Variants in LYPD6B observed in about 807,000 individuals in gnomAD.
The protein encoded by LYPD6B is LY6/PLAUR domain containing 6B.
In LYPD6B, 17 loss-of-function variants were observed where a neutral mutation model predicts 22.8. The ratio of observed to expected loss-of-function variants is 0.75; its 90% CI spans 0.51 to 1.12. The LOEUF (loss-of-function observed/expected upper bound fraction) is 1.12. Among genes scored for constraint, LYPD6B ranks in the 50% most tolerant of loss-of-function variants. The pLI, the probability that LYPD6B is intolerant of heterozygous loss-of-function variation, is 0.00. For synonymous variants in LYPD6B, 106 were observed against 91.6 expected (o/e 1.16, Z -0.90); for missense variants, 221 against 258.3 (o/e 0.86, Z 0.99).
intron 1 of LYPD6B, among the ~76,000 whole-genome samples, chr2:149,051,431 C>T (rs1454712675): frequency 6.6e-6 from 1 of 152,114 alleles, no homozygotes; most frequent in East Asian, 1.9e-4. Flanking sequence ...TCCCAAAGTG[C>T]TGGGATTACA....
At chr2:149,079,060 C>T (rs1411587424) in intron 1 of LYPD6B, among the ~76,000 whole-genome samples, 1 of 148,410 alleles carries the variant, frequency 6.7e-6, no homozygotes, top group Admixed American at 6.7e-5. Context: ...TAGTAAAATG[C>T]CATTTCTATT....
chr2:149,055,852 G>T (rs1474085385), intron 1 of LYPD6B, among the ~76,000 whole-genome samples: 1 of 152,160 alleles, frequency 6.6e-6, no homozygotes, highest in African/African-American at 2.4e-5. Context: ...CAATCTGAAT[G>T]CCTTTTATTT....
intron 1 of LYPD6B, among the ~76,000 whole-genome samples, chr2:149,044,537 C>T (rs1683224637): frequency 6.6e-6 from 1 of 151,992 alleles, no homozygotes; most frequent in African/African-American, 2.4e-5. Flanking sequence ...TGAATAGAGA[C>T]AGTTTTATTT....
chr2:149,130,791 C>T, intron 1 of LYPD6B, 92 bp from the exon 2 acceptor site: 1 of 636,850 alleles, frequency 1.6e-6, no homozygotes, highest in Non-Finnish European at 2.8e-6. Flanking sequence ...GATGTGTCCC[C>T]AGCCTAAAAC....
intron 6 of LYPD6B, 73 bp downstream of exon 6, chr2:149,213,195 C>A: frequency 6.4e-7 from 1 of 1,565,706 alleles, no homozygotes; most frequent in Non-Finnish European, 8.7e-7. Context: ...AAAGGAGAGG[C>A]AGGAAGGATA....
At chr2:149,047,009 T>C (rs1683338041) in intron 1 of LYPD6B, among the ~76,000 whole-genome samples, 1 of 152,232 alleles carries the variant, frequency 6.6e-6, no homozygotes, top group South Asian at 2.1e-4. Context: ...GTTCATTGGT[T>C]ATGCTAAAAC....
Position 149,213,076 on chromosome 2 carries a change from A to G in LYPD6B, c.413A>G (p.Glu138Gly), listed in dbSNP as rs1348088759. ...SITKKCASRSECHFVGCHHSR... is the reference protein window; with the variant it reads ...SITKKCASRSGCHFVGCHHSR... ...ACCAAAAAGTGTGCCTCCAGAAGTGAATGTCATTTTGTCGGTTGCCACCAC... is the reference window on the plus strand; with the variant it reads ...ACCAAAAAGTGTGCCTCCAGAAGTGGATGTCATTTTGTCGGTTGCCACCAC... Residue 138 changes from glutamate (E) to glycine (G), a missense_variant, in exon 6 of 7, where the codon GAA (glutamate) becomes GGA (glycine). Glu to Gly is a moderately conservative substitution (Grantham distance 98). Coordinates refer to ENST00000409642, the MANE Select transcript of LYPD6B (RefSeq NM_177964.5). 1.9e-6 allele frequency: 3 copies of G among 1,613,944 alleles called. No homozygotes were observed. Among genetic ancestry groups the G allele is most frequent in the East Asian group, 4.5e-5 (2 of 44,872 alleles).
At chr2:149,134,830 G>A (rs1158798572) in intron 2 of LYPD6B, among the ~76,000 whole-genome samples, 1 of 152,172 alleles carries the variant, frequency 6.6e-6, no homozygotes, top group African/African-American at 2.4e-5. Flanking sequence ...CTGGTGTGCT[G>A]GAACAAAGAG....
chr2:149,209,809 G>A (rs1693732790), intron 5 of LYPD6B, among the ~76,000 whole-genome samples: 1 of 152,070 alleles, frequency 6.6e-6, no homozygotes, highest in Non-Finnish European at 1.5e-5. Context: ...TGTTTTTCTT[G>A]AGGTTCTTTT....
intron 3 of LYPD6B, among the ~76,000 whole-genome samples, chr2:149,177,526 C>T (rs1691402626): frequency 6.6e-6 from 1 of 152,132 alleles, no homozygotes; most frequent in Non-Finnish European, 1.5e-5. Context: ...ATGTAAATTA[C>T]CAGGGGAAAT....
chr2:149,065,070 A>G (rs1279472253), intron 1 of LYPD6B, among the ~76,000 whole-genome samples: 3 of 152,194 alleles, frequency 2.0e-5, no homozygotes, highest in Non-Finnish European at 4.4e-5. Flanking sequence ...GTAAAAGGGC[A>G]GGGACTGCCT....
intron 1 of LYPD6B, among the ~76,000 whole-genome samples, chr2:149,056,784 C>T (rs530076214): frequency 2.0e-5 from 3 of 152,254 alleles, no homozygotes; most frequent in South Asian, 2.1e-4. Flanking sequence ...CAATATGACT[C>T]GTCTAGGATT....
chr2:149,149,541 C>T (rs1445846984), intron 2 of LYPD6B, among the ~76,000 whole-genome samples: 5 of 152,154 alleles, frequency 3.3e-5, no homozygotes, highest in African/African-American at 1.2e-4. Context: ...ATGCAAATCC[C>T]TGTAAAAGAT....
At chr2:149,106,107 A>C (rs1686456695) in intron 1 of LYPD6B, among the ~76,000 whole-genome samples, 1 of 151,916 alleles carries the variant, frequency 6.6e-6, no homozygotes, top group Admixed American at 6.6e-5. Context: ...TTTTTTCATG[A>C]ATTTTAAACC....
At chr2:149,062,860 CTTTTTTTTTTTTT>C (rs5835285) in intron 1 of LYPD6B, among the ~76,000 whole-genome samples, 1 of 93,560 alleles carries the variant, frequency 1.1e-5, no homozygotes, top group East Asian at 3.1e-4. Context: ...GATACATGTT[CTTTTTTTTTTTTT>C]TTTTTTTTTG....
At chr2:149,080,731 A>G (rs1192576815) in intron 1 of LYPD6B, among the ~76,000 whole-genome samples, 1 of 151,424 alleles carries the variant, frequency 6.6e-6, no homozygotes, top group East Asian at 2.0e-4. Flanking sequence ...AGTACCAGCT[A>G]CTAGGGAGAC....
chr2:149,208,179 AG>A, intron 4 of LYPD6B, 134 bp from the exon 5 acceptor site: 1 of 628,806 alleles, frequency 1.6e-6, no homozygotes, highest in Non-Finnish European at 2.8e-6. Flanking sequence ...CTAGCTCTCT[AG>A]AAACAGTAAT....
At chr2:149,072,213 T>G (rs1372617552) in intron 1 of LYPD6B, among the ~76,000 whole-genome samples, 2 of 152,226 alleles carry the variant, frequency 1.3e-5, no homozygotes, top group African/African-American at 4.8e-5. Flanking sequence ...ATTTCTTGAC[T>G]TTCAGCACAT....
At chr2:149,152,192 C>T (rs116465655) in intron 2 of LYPD6B, among the ~76,000 whole-genome samples, 1,717 of 152,224 alleles carry the variant, frequency 0.011, 38 homozygotes, top group African/African-American at 0.04. Flanking sequence ...ATGCTTATCT[C>T]ATTATCCCCT....
Sources: gnomAD v4.1 joint callset for allele counts (sites outside exome capture counted in the v4.1 genomes callset) on GRCh38, gnomAD v4.1.1 for gene constraint, MANE v1.5 for transcripts, NCBI Gene and HGNC (gene_info 2026-07-23, HGNC 2026-07-21) for gene names.